PIP4K2A: variants seen among roughly 807,000 people sequenced by gnomAD.
PIP4K2A encodes phosphatidylinositol 5-phosphate 4-kinase type-2 alpha.
A neutral mutation model predicts 42.9 loss-of-function variants in PIP4K2A; 14 were observed. That is an observed-to-expected ratio of 0.33 (90% confidence interval 0.22 to 0.51). PIP4K2A has a LOEUF of 0.51. Among genes scored for constraint, PIP4K2A ranks in the 20% least tolerant of loss-of-function variants. PIP4K2A has a pLI of 0.97. For synonymous variants in PIP4K2A, 192 were observed against 192.2 expected (o/e 1.00, Z 0.01); for missense variants, 434 against 519.8 (o/e 0.83, Z 1.61).
At chr10:22,689,858 GCT>G (rs1296596932) in intron 1 of PIP4K2A, among the ~76,000 whole-genome samples, 11 of 152,144 alleles carry the variant, frequency 7.2e-5, no homozygotes, top group Admixed American at 3.3e-4. Flanking sequence ...TTTACCAACT[GCT>G]CAAGTTTTTC....
At chr10:22,667,134 T>C (rs1839366575) in intron 1 of PIP4K2A, among the ~76,000 whole-genome samples, 1 of 152,224 alleles carries the variant, frequency 6.6e-6, no homozygotes, top group Admixed American at 6.5e-5. Flanking sequence ...ATATTTGCCC[T>C]GATCATGTAA....
intron 1 of PIP4K2A, among the ~76,000 whole-genome samples, chr10:22,688,774 T>C (rs1435657518): frequency 2.0e-5 from 3 of 152,146 alleles, no homozygotes; most frequent in East Asian, 1.9e-4. Context: ...CTCACAGAAG[T>C]TGTGACATTT....
At chr10:22,571,663 T>TA (rs2130793515) in intron 5 of PIP4K2A, among the ~76,000 whole-genome samples, 1 of 152,366 alleles carries the variant, frequency 6.6e-6, no homozygotes, top group African/African-American at 2.4e-5. Flanking sequence ...TTTCATAATG[T>TA]AACTAAGCTT....
At chr10:22,570,517 G>A (rs574277793) in intron 5 of PIP4K2A, among the ~76,000 whole-genome samples, 338 of 152,316 alleles carry the variant, frequency 2.2e-3, no homozygotes, top group African/African-American at 7.6e-3. Flanking sequence ...TTGCTTGGGC[G>A]AAGACTTTAA....
chr10:22,664,006 G>GCT lies in PIP4K2A; in HGVS notation c.144+50175_144+50176dup, dbSNP rs548100836. 1.3e-3 allele frequency among the ~76,000 whole-genome samples: 163 copies of GCT among 126,832 alleles called. 4 individuals are homozygous for GCT. Among genetic ancestry groups the GCT allele is most frequent in the African/African-American group, 4.4e-3 (143 of 32,322 alleles). The allele number at this position is 126,832 out of a possible 152,430, so 83.2% of individuals were successfully genotyped here. On this transcript the variant is annotated intron_variant, in intron 1 of 9. Transcript: ENST00000376573. Reference sequence around the variant, plus strand: ...AGGGTCAGGGGTATGCCCACTTAAGGCTCTCTCTCTCTCTCCATATATATA... The same window carrying GCT: ...AGGGTCAGGGGTATGCCCACTTAAGGCTCTCTCTCTCTCTCTCCATATATATA...
In PIP4K2A at chr10:22,640,014, C is replaced by CTTTTTT. The variant is rs71395806; in HGVS notation, c.145-30303_145-30298dup. ...TCCAATAGATGCATGGATGTGTTGT[C>CTTTTTT]TTTTTTTTTTTTTTTTTTTTTTTTT... On this transcript the variant is annotated intron_variant, in intron 1 of 9. Transcript: ENST00000376573. Among the ~76,000 whole-genome samples, 5 of 92,362 alleles carry CTTTTTT rather than the reference C, an allele frequency of 5.4e-5. 1 individual carries two copies. Among genetic ancestry groups the CTTTTTT allele is most frequent in the African/African-American group, 8.3e-5 (2 of 24,194 alleles). 60.6% of individuals were successfully genotyped at this position (92,362 alleles called of 152,430 possible).
At chr10:22,669,744 G>C (rs1272329794) in intron 1 of PIP4K2A, among the ~76,000 whole-genome samples, 6 of 152,154 alleles carry the variant, frequency 3.9e-5, no homozygotes, top group Non-Finnish European at 5.9e-5. Flanking sequence ...AGTGGAGCTT[G>C]GAAGACTTTG....
At chr10:22,569,005 G>A (rs1166589093) in intron 5 of PIP4K2A, 1 of 1,532,346 alleles carries the variant, frequency 6.5e-7, no homozygotes, top group Non-Finnish European at 8.7e-7. Flanking sequence ...TTCATTAAAT[G>A]AACTTACAGT....
At chr10:22,624,646 G>A (rs1838397785) in intron 1 of PIP4K2A, among the ~76,000 whole-genome samples, 1 of 152,204 alleles carries the variant, frequency 6.6e-6, no homozygotes, top group African/African-American at 2.4e-5. Context: ...CCTTTGCAGG[G>A]GTCAGAGGTG....
chr10:22,651,344 C>T (rs750660102), intron 1 of PIP4K2A, among the ~76,000 whole-genome samples: 4 of 152,196 alleles, frequency 2.6e-5, no homozygotes, highest in Non-Finnish European at 5.9e-5. Context: ...CTTCCAATTG[C>T]TCTTAGGAAA....
chr10:22,664,500 T>G (rs996277539), intron 1 of PIP4K2A, among the ~76,000 whole-genome samples: 1 of 151,578 alleles, frequency 6.6e-6, no homozygotes, highest in South Asian at 2.1e-4. Flanking sequence ...GCCTTTATGC[T>G]TGCCAATTTT....
chr10:22,650,987 C>G (rs574863677), intron 1 of PIP4K2A, among the ~76,000 whole-genome samples: 5 of 152,320 alleles, frequency 3.3e-5, no homozygotes, highest in Admixed American at 3.3e-4. Context: ...CTGGAAGTGA[C>G]AGCTCCCAGA....
Position 22,588,942 on chromosome 10 carries a change from G to A in PIP4K2A, c.492+2687C>T, listed in dbSNP as rs58461777. The stretch of plus-strand genomic sequence containing the variant: ...GTCTTTATACTGTTAAAGCCCCTGG[G>A]AGGTGTCAATAGACTTATTTTGATC... On this transcript the variant is annotated intron_variant, in intron 4 of 9. Coordinates refer to ENST00000376573, the MANE Select transcript of PIP4K2A (RefSeq NM_005028.5). 9.1e-3 allele frequency among the ~76,000 whole-genome samples: 1,392 copies of A among 152,328 alleles called. 25 individuals carry two copies. The highest frequency in any genetic ancestry group is 0.031 in the African/African-American group (1,279 of 41,582).
chr10:22,617,147 C>CA, intron 1 of PIP4K2A, among the ~76,000 whole-genome samples: 1 of 152,362 alleles, frequency 6.6e-6, no homozygotes, highest in Admixed American at 6.5e-5. Flanking sequence ...TCCAACACTG[C>CA]AAAACACACA....
intron 1 of PIP4K2A, chr10:22,694,301 T>C (rs191073250): frequency 6.6e-4 from 100 of 152,308 alleles, no homozygotes; most frequent in African/African-American, 2.0e-3. Context: ...CAGCCCTTAT[T>C]TGGGTCCACA....
chr10:22,564,352 A>T (rs1046407181), intron 6 of PIP4K2A, among the ~76,000 whole-genome samples: 1 of 152,222 alleles, frequency 6.6e-6, no homozygotes, highest in Non-Finnish European at 1.5e-5. Context: ...TTGTTGACTG[A>T]ACCTGAAGAA....
intron 6 of PIP4K2A, among the ~76,000 whole-genome samples, chr10:22,564,682 G>A (rs1836796289): frequency 1.3e-5 from 2 of 152,346 alleles, no homozygotes; most frequent in African/African-American, 4.8e-5. Flanking sequence ...CAAAGCCAGT[G>A]CCTTAGAGGG....
chr10:22,608,869 C>T (rs1039024099), intron 2 of PIP4K2A, among the ~76,000 whole-genome samples: 5 of 152,080 alleles, frequency 3.3e-5, no homozygotes, highest in Non-Finnish European at 7.4e-5. Flanking sequence ...AGAGCAAGAT[C>T]CTGTCTCAAA....
chr10:22,547,388 A>C (rs1346525966), intron 7 of PIP4K2A, among the ~76,000 whole-genome samples: 1 of 152,178 alleles, frequency 6.6e-6, no homozygotes, highest in Non-Finnish European at 1.5e-5. Flanking sequence ...CCCCAGTCTG[A>C]ATTTAGAAGC....
Sources: allele counts gnomAD v4.1 joint callset (sites outside exome capture counted in the v4.1 genomes callset), GRCh38; gene constraint gnomAD v4.1.1; transcripts MANE v1.5; gene names NCBI Gene and HGNC (gene_info 2026-07-23, HGNC 2026-07-21).